The following PRSS56 variants were observed in gnomAD, a reference collection of about 807,000 sequenced individuals.
PRSS56 encodes protease, serine 56.
A neutral mutation model predicts 66.8 loss-of-function variants in PRSS56; 55 were observed. The ratio of observed to expected loss-of-function variants is 0.82; its 90% CI spans 0.66 to 1.03. The LOEUF (loss-of-function observed/expected upper bound fraction) is 1.03, where lower values mean the gene tolerates loss of function less well. PRSS56 is among the 50% of genes least tolerant of loss of function. The probability of loss-of-function intolerance (pLI) is 0.00; values close to 1 mark genes in which losing one functional copy is unlikely to be tolerated. For missense variants in PRSS56, 869 were observed against 837.2 expected (o/e 1.04, Z -0.47); for synonymous variants, 409 against 387.9 (o/e 1.05, Z -0.64).
In PRSS56 at chr2:232,521,832, G is replaced by A; in HGVS notation, c.222G>A (p.Arg74=). The A allele has an allele frequency of 6.5e-7, 1 of 1,536,064 alleles. No individual in the cohort carries two copies. The highest frequency in any genetic ancestry group is 8.7e-7 in the Non-Finnish European group (1 of 1,146,840). The change falls in exon 3 of 13, where the codon AGG becomes AGA. Residue 74 remains arginine, a synonymous_variant. Coordinates refer to ENST00000617714, the MANE Select transcript of PRSS56 (RefSeq NM_001195129.2). ...TCTCTGCAGGATCTGGGCGCCCCAG[G>A]CCTCAAGCTCTCCTCCAGGACCCAC... ...SHECRGSGRP[R]PQALLQDPPE...
In PRSS56 at chr2:232,520,580, A is replaced by AC. The variant is rs1559288043; in HGVS notation, c.-15dup. The AC allele has an allele frequency of 6.5e-7, 1 of 1,531,666 alleles. No homozygotes were observed. Among genetic ancestry groups the AC allele is most frequent in the Non-Finnish European group, 8.7e-7 (1 of 1,142,962 alleles). 94.9% of individuals were successfully genotyped at this position (1,531,666 alleles called of 1,614,324 possible). A position where few individuals can be genotyped will look rare whatever the true frequency, so the allele number is the denominator to read the frequency against. On this transcript the variant is annotated 5_prime_UTR_variant, in exon 1 of 13. Coordinates refer to ENST00000617714, the MANE Select transcript of PRSS56 (RefSeq NM_001195129.2). ...GGAGGAGAGAGGACAGGGGTCTCTCACCCCAGCTCCTGGTCACCATGCTGC... is the reference window on the plus strand; with the variant it reads ...GGAGGAGAGAGGACAGGGGTCTCTCACCCCCAGCTCCTGGTCACCATGCTGC...
In PRSS56 at chr2:232,525,233, C is replaced by A; in HGVS notation, c.1539C>A (p.Gly513=). The change falls in exon 13 of 13, where the codon GGC becomes GGA. Residue 513 remains glycine, a synonymous_variant. Coordinates refer to ENST00000617714, the MANE Select transcript of PRSS56 (RefSeq NM_001195129.2). ...ATCTGTAGGTCCTGGCAGATCTGGG[C>A]TCCAAGACACTGACCGGGCTTTTCA... ...MNFHEVLADL[G]SKTLTGLFRA... 6.6e-7 allele frequency: 1 copy of A among 1,503,822 alleles called. No homozygotes were observed. Among genetic ancestry groups the A allele is most frequent in the Non-Finnish European group, 8.8e-7 (1 of 1,129,986 alleles). The allele number at this position is 1,503,822 out of a possible 1,614,324, so 93.2% of individuals were successfully genotyped here. A position where few individuals can be genotyped will look rare whatever the true frequency, so the allele number is the denominator to read the frequency against.
At position 232,523,922 on chromosome 2, in the gene PRSS56, G is replaced by T; in HGVS notation, c.1163G>T (p.Cys388Phe). 6.6e-7 allele frequency: 1 copy of T among 1,508,748 alleles called. No individual in the cohort carries two copies. The highest frequency in any genetic ancestry group is 8.8e-7 in the Non-Finnish European group (1 of 1,134,158). The allele number at this position is 1,508,748 out of a possible 1,614,324, so 93.5% of individuals were successfully genotyped here. A position where few individuals can be genotyped will look rare whatever the true frequency, so the allele number is the denominator to read the frequency against. ...GACARLAHQQ[C>F]LQRRRRCELR... ...TGTGCGCGCCTGGCGCACCAGCAGTGCCTGCAGCGCCGGCGGCGATGCGGT... is the reference window on the plus strand; with the variant it reads ...TGTGCGCGCCTGGCGCACCAGCAGTTCCTGCAGCGCCGGCGGCGATGCGGT... Residue 388 changes from cysteine (C) to phenylalanine (F), a missense_variant, in exon 9 of 13, where the codon TGC becomes TTC. Around this residue, in one of 3 missense-constraint regions of PRSS56, gnomAD observed 551 missense variants for 506.9 expected, o/e 1.09. Coordinates refer to ENST00000617714, the MANE Select transcript of PRSS56 (RefSeq NM_001195129.2).
chr2:232,525,120 A>T (rs1691394562), intron 12 of PRSS56, 96 bp from the exon 13 acceptor site: 1 of 1,234,670 alleles, frequency 8.1e-7, no homozygotes, highest in Non-Finnish European at 1.1e-6. Context: ...GGTCTAGGTG[A>T]GAGTTTCTGG....
chr2:232,523,249 G>T, intron 7 of PRSS56, 47 bp downstream of exon 7: 5 of 1,424,166 alleles, frequency 3.5e-6, no homozygotes, highest in Non-Finnish European at 4.6e-6. Context: ...CCTTCCCAGG[G>T]CCACTACGGC....
chr2:232,524,934 C>A (rs558224520), intron 12 of PRSS56, 90 bp downstream of exon 12: 2 of 1,112,540 alleles, frequency 1.8e-6, no homozygotes, highest in Admixed American at 2.1e-5. Flanking sequence ...AGCCCAGATA[C>A]CCTCCCAGCA....
chr2:232,524,334 C>A lies in PRSS56; in HGVS notation c.1379C>A (p.Pro460Gln). ...SGSRAAGTRF[P>Q]KRRPEPRGEA... ...TCGCGGGCTGCAGGCACTCGGTTCC[C>A]GAAGCGGAGGCCGGAGCCGCGCGGA... Residue 460 changes from proline (P) to glutamine (Q), a missense_variant, in exon 11 of 13, where the codon CCG becomes CAG. By Grantham distance (76) the Pro-to-Gln change is moderately conservative. Transcript: ENST00000617714. 3 of 1,535,780 alleles carry A rather than the reference C, an allele frequency of 2.0e-6. No individual in the cohort carries two copies. Among genetic ancestry groups the A allele is most frequent in the Non-Finnish European group, 2.6e-6 (3 of 1,146,830 alleles).
chr2:232,520,973 G>A (rs1309996438), intron 1 of PRSS56, among the ~76,000 whole-genome samples: 1 of 152,190 alleles, frequency 6.6e-6, no homozygotes, highest in African/African-American at 2.4e-5. Flanking sequence ...CCCTGCCCTT[G>A]GCTGTCCCGG....
In PRSS56 at chr2:232,523,964, GA is replaced by G. The variant is rs531590761; in HGVS notation, c.1186+20del. The G allele has an allele frequency of 1.8e-4, 273 of 1,516,632 alleles. 1 individual carries two copies. The African/African-American group carries it at 3.4e-3, about 19-fold the overall frequency. The allele number at this position is 1,516,632 out of a possible 1,614,324, so 93.9% of individuals were successfully genotyped here. On this transcript the variant is annotated intron_variant, in intron 9 of 12. Transcript: ENST00000617714. ...CGATGCGGTCAGTTCTGTTCACCCG[GA>G]CCCGGACGGGGGGCAGAGGGGAGGG...
At chr2:232,520,868 G>A (rs1274842702) in intron 1 of PRSS56, among the ~76,000 whole-genome samples, 173 bp downstream of exon 1, 1 of 152,140 alleles carries the variant, frequency 6.6e-6, no homozygotes, top group Non-Finnish European at 1.5e-5. Context: ...TGGGAGAGGA[G>A]GGGTGTGGCG....
chr2:232,523,153 G>A lies in PRSS56; in HGVS notation c.800G>A (p.Ser267Asn). 2 of 1,522,614 alleles carry A rather than the reference G, an allele frequency of 1.3e-6. No individual in the cohort carries two copies. The highest frequency in any genetic ancestry group is 1.8e-6 in the Non-Finnish European group (2 of 1,139,758). The allele number at this position is 1,522,614 out of a possible 1,614,324, so 94.3% of individuals were successfully genotyped here. A position where few individuals can be genotyped will look rare whatever the true frequency, so the allele number is the denominator to read the frequency against. The change falls in exon 7 of 13, where the codon AGC (serine) becomes AAC (asparagine). Residue 267 changes from serine (S) to asparagine (N), a missense_variant. Coordinates refer to ENST00000617714, the MANE Select transcript of PRSS56 (RefSeq NM_001195129.2). ...GCCCTGGGGCCCGGGCTGCGCCCCA[G>A]CACCATGCTCTGCGCCGGGTACCTG... ...RRALGPGLRP[S>N]TMLCAGYLAG...
At position 232,522,146 on chromosome 2, in the gene PRSS56, G is replaced by A; in HGVS notation, c.432G>A (p.Ala144=). The A allele has an allele frequency of 2.6e-6, 4 of 1,514,768 alleles. No individual in the cohort carries two copies. The highest frequency in any genetic ancestry group is 3.5e-6 in the Non-Finnish European group (4 of 1,138,314). The allele number at this position is 1,514,768 out of a possible 1,614,324, so 93.8% of individuals were successfully genotyped here. Residue 144 remains alanine (A), a synonymous_variant, in exon 4 of 13, where the codon GCG becomes GCA. Coordinates refer to ENST00000617714, the MANE Select transcript of PRSS56 (RefSeq NM_001195129.2). ...LVAASWVLTA[A]HCFVGAPNEL... is the part of the protein sequence containing the mutation. Reference sequence around the variant, plus strand: ...CGGCCTCCTGGGTGCTCACGGCAGCGCACTGCTTTGTAGGGTAAGTAGGAC... The same window carrying A: ...CGGCCTCCTGGGTGCTCACGGCAGCACACTGCTTTGTAGGGTAAGTAGGAC...
At position 232,523,454 on chromosome 2, in the gene PRSS56, C is replaced by T; in HGVS notation, c.888C>T (p.Gly296=). The T allele has an allele frequency of 3.3e-6, 5 of 1,502,504 alleles. No homozygotes were observed. The highest frequency in any genetic ancestry group is 4.4e-6 in the Non-Finnish European group (5 of 1,130,198). The allele number at this position is 1,502,504 out of a possible 1,614,324, so 93.1% of individuals were successfully genotyped here. ...SGGPLTCSEP[G]PRPREVLFGV... is the part of the protein sequence containing the mutation. ...GCCCCCTGACCTGTTCTGAGCCTGG[C>T]CCCCGCCCTAGAGAGGTCCTGTTCG... Residue 296 remains glycine (G), a synonymous_variant, in exon 8 of 13, where the codon GGC becomes GGT. Coordinates refer to ENST00000617714, the MANE Select transcript of PRSS56 (RefSeq NM_001195129.2).
chr2:232,525,135 CA>C, intron 12 of PRSS56, 80 bp from the exon 13 acceptor site: 1 of 1,355,648 alleles, frequency 7.4e-7, no homozygotes, highest in Non-Finnish European at 9.7e-7. Flanking sequence ...TTCTGGGGCC[CA>C]GGGGGAGAGG....
chr2:232,522,216 C>T (rs1235447265), intron 4 of PRSS56, 56 bp downstream of exon 4: 17 of 1,361,478 alleles, frequency 1.2e-5, no homozygotes, highest in Non-Finnish European at 1.3e-5. Flanking sequence ...GGGCCCCGCA[C>T]CTGCCGGGTT....
At chr2:232,521,942 C>A (rs1691286486) in intron 3 of PRSS56, 29 bp from the exon 4 acceptor site, 2 of 1,511,370 alleles carry the variant, frequency 1.3e-6, no homozygotes, top group Non-Finnish European at 1.8e-6. Context: ...CAGAACATGT[C>A]CCTCGTGACA....
Position 232,523,093 on chromosome 2 carries a change from G to A in PRSS56, c.740G>A (p.Arg247His), listed in dbSNP as rs1212018117. The A allele has an allele frequency of 2.6e-6, 4 of 1,535,084 alleles. No individual in the cohort carries two copies. Among genetic ancestry groups the A allele is most frequent in the Non-Finnish European group, 1.7e-6 (2 of 1,146,408 alleles). Residue 247 changes from arginine to histidine, a missense_variant, in exon 7 of 13, where the codon CGT (arginine) becomes CAT (histidine). By Grantham distance (29) the Arg-to-His change is conservative. Transcript: ENST00000617714. ...GPEAEAVREA[R>H]VPLLSTDTCR... ...GAGGCTGAAGCAGTGAGAGAGGCCC[G>A]TGTTCCCCTGCTCAGCACCGACACC...
chr2:232,522,885 G>C, intron 6 of PRSS56, 24 bp downstream of exon 6: 1 of 1,448,178 alleles, frequency 6.9e-7, no homozygotes. Context: ...GTGAGCCGGC[G>C]CGTGGTGGGA....
In PRSS56 at chr2:232,522,021, G is replaced by A; in HGVS notation, c.307G>A (p.Gly103Ser). 1 of 1,456,800 alleles carries A rather than the reference G, an allele frequency of 6.9e-7. No homozygotes were observed. Among genetic ancestry groups the A allele is most frequent in the Middle Eastern group, 1.8e-4 (1 of 5,598 alleles). The allele number at this position is 1,456,800 out of a possible 1,614,324, so 90.2% of individuals were successfully genotyped here. ...PSTANVTRAH[G>S]RIVGGSAAPP... is the part of the protein sequence containing the mutation. ...CACTGCCAATGTGACGCGGGCCCAC[G>A]GCCGCATCGTGGGGGGCAGCGCGGC... Residue 103 changes from glycine (G) to serine (S), a missense_variant, in exon 4 of 13, where the codon GGC becomes AGC. By Grantham distance (56) the Gly-to-Ser change is moderately conservative (BLOSUM62 0). Transcript: ENST00000617714.
Sources: gnomAD v4.1 joint callset for allele counts (sites outside exome capture counted in the v4.1 genomes callset) on GRCh38, gnomAD v4.1.1 for gene constraint, gnomAD v4.1.1 regional missense constraint, MANE v1.5 for transcripts, NCBI Gene and HGNC (gene_info 2026-07-23, HGNC 2026-07-21) for gene names.